The following BCL11A variants were observed in gnomAD, a reference collection of about 807,000 sequenced individuals.
BCL11A encodes the protein B cell CLL/lymphoma 11A.
In BCL11A, 2 loss-of-function variants were observed where a neutral mutation model predicts 55.9. The ratio of observed to expected loss-of-function variants is 0.04; its 90% confidence interval spans 0.01 to 0.11. The LOEUF is 0.11. Among genes scored for constraint, BCL11A ranks in the 10% least tolerant of loss-of-function variants. The pLI, the probability that BCL11A is intolerant of heterozygous loss-of-function variation, is 1.00. For missense variants in BCL11A, 817 were observed against 1,137.1 expected, an observed-to-expected ratio of 0.72 and a Z score of 4.05; for synonymous variants, 465 against 473.4, an observed-to-expected ratio of 0.98 and a Z score of 0.23.
chr2:60,489,660 A>T (rs1678504381), intron 2 of BCL11A, among the ~76,000 whole-genome samples: 1 of 151,976 alleles, frequency 6.6e-6, no homozygotes, highest in African/African-American at 2.4e-5. Context: ...CCTCTAGGAC[A>T]CTCTGGGTCA....
intron 2 of BCL11A, among the ~76,000 whole-genome samples, chr2:60,477,566 A>G (rs542124491): frequency 1.3e-4 from 19 of 151,716 alleles, no homozygotes; most frequent in Admixed American, 9.8e-4. Context: ...AAACCTGCAC[A>G]TTCTGCACAT....
In BCL11A at chr2:60,480,968, T is replaced by A. The variant is rs554810172; in HGVS notation, c.386-12135A>T. The stretch of plus-strand genomic sequence containing the variant: ...TAGTTTTTGCTCCACTAAAAGGGCT[T>A]AAAAATAAGGCTAGGAAGCTAGACC... On this transcript the variant is annotated intron_variant, in intron 2 of 3. Coordinates refer to ENST00000642384, the MANE Select transcript of BCL11A (RefSeq NM_022893.4). 3.0e-3 allele frequency among the ~76,000 whole-genome samples: 451 copies of A among 152,248 alleles called. 2 individuals carry two copies. Among genetic ancestry groups the A allele is most frequent in the Non-Finnish European group, 3.7e-3 (254 of 68,012 alleles).
intron 2 of BCL11A, among the ~76,000 whole-genome samples, chr2:60,538,737 CTCTGTG>C (rs61021914): frequency 0.43 from 49,935 of 115,544 alleles, 9,985 homozygotes; most frequent in Non-Finnish European, 0.53. Context: ...CTCTCTCTCT[CTCTGTG>C]TGTGTGTGTG....
chr2:60,487,023 G>A (rs1678317244), intron 2 of BCL11A, among the ~76,000 whole-genome samples: 1 of 152,238 alleles, frequency 6.6e-6, no homozygotes, highest in Admixed American at 6.5e-5. Flanking sequence ...CCTCCTTTAA[G>A]TCTAACGTTG....
downstream of BCL11A, chr2:60,452,560 G>C: frequency 6.2e-7 from 1 of 1,610,442 alleles, no homozygotes; most frequent in South Asian, 1.1e-5. Flanking sequence ...CCACCCCTGG[G>C]GGCTTCAAAT....
rs151125856 is a variant in BCL11A, at chr2:60,513,913, T to C, written c.385+32058A>G. 3.9e-4 allele frequency among the ~76,000 whole-genome samples: 59 copies of C among 152,328 alleles called. No individual in the cohort carries two copies. The East Asian group carries it at 0.011, about 29-fold the overall frequency. On this transcript the variant is annotated intron_variant, in intron 2 of 3. Transcript: ENST00000642384. Reference sequence around the variant, plus strand: ...ATGAAGAGAAGCTGTTCCTGGCTTGTGGTGAGCAAAACTCCCTGGATTGAG... The same window carrying C: ...ATGAAGAGAAGCTGTTCCTGGCTTGCGGTGAGCAAAACTCCCTGGATTGAG...
rs1676295876 is a variant in BCL11A, at chr2:60,461,602, T to C, written c.1310A>G (p.Lys437Arg). The C allele has an allele frequency of 6.2e-7, 1 of 1,613,326 alleles. No individual in the cohort carries two copies. Among genetic ancestry groups the C allele is most frequent in the South Asian group, 1.1e-5 (1 of 91,092 alleles). Residue 437 changes from lysine to arginine, a missense_variant, in exon 4 of 4, where the codon AAG (lysine) becomes AGG (arginine). Around this residue, in one of 4 missense-constraint regions of BCL11A, gnomAD observed 45 missense variants for 109.0 expected, o/e 0.41. Coordinates refer to ENST00000642384, the MANE Select transcript of BCL11A (RefSeq NM_022893.4). ...GGCGGTGGAGAGACCGTCGTCGGACTTGACCGTCATGGGGGACGATTTGTG... is the reference window on the plus strand; with the variant it reads ...GGCGGTGGAGAGACCGTCGTCGGACCTGACCGTCATGGGGGACGATTTGTG... Reference protein sequence around the residue: ...HMHKSSPMTVKSDDGLSTASS... With the variant: ...HMHKSSPMTVRSDDGLSTASS...
intron 2 of BCL11A, among the ~76,000 whole-genome samples, chr2:60,540,213 T>A (rs999991342): frequency 3.3e-5 from 5 of 152,128 alleles, no homozygotes; most frequent in African/African-American, 1.2e-4. Context: ...AGAAAGGTAC[T>A]AAAGATGCTT....
intron 3 of BCL11A, among the ~76,000 whole-genome samples, chr2:60,463,223 A>T (rs1431887580): frequency 6.6e-6 from 1 of 152,266 alleles, no homozygotes; most frequent in African/African-American, 2.4e-5. Flanking sequence ...GGCTGTATCC[A>T]ATCTTTAGGA....
intron 2 of BCL11A, among the ~76,000 whole-genome samples, chr2:60,472,113 C>G (rs1017233948): frequency 2.6e-5 from 4 of 152,128 alleles, no homozygotes; most frequent in Non-Finnish European, 5.9e-5. Flanking sequence ...CCTAAGGATC[C>G]CTCCATTAGG....
At chr2:60,471,025 C>A (rs1413750848) in intron 2 of BCL11A, among the ~76,000 whole-genome samples, 1 of 152,162 alleles carries the variant, frequency 6.6e-6, no homozygotes, top group African/African-American at 2.4e-5. Flanking sequence ...CTGCTCCTGC[C>A]GTGGTCTTCA....
chr2:60,543,865 C>A (rs1353099539), intron 2 of BCL11A: 1 of 152,154 alleles, frequency 6.6e-6, no homozygotes, highest in Non-Finnish European at 1.5e-5. Flanking sequence ...ATTATTAGCG[C>A]TATAAAATAT....
rs1380946246 is a variant in BCL11A, at chr2:60,458,111, A to G, written c.*2293T>C. On this transcript the variant is annotated 3_prime_UTR_variant, in exon 4 of 4. Coordinates refer to ENST00000642384, the MANE Select transcript of BCL11A (RefSeq NM_022893.4). ...GCAACAGTTAAAAATACAAGCTTCA[A>G]TATAAATACTATAGTGCCTAACACT... 8 of 1,032,218 alleles carry G rather than the reference A, an allele frequency of 7.8e-6. No individual in the cohort carries two copies. In the African/African-American group the frequency reaches 1.4e-4, roughly 17 times the overall value. The allele number at this position is 1,032,218 out of a possible 1,614,324, so 63.9% of individuals were successfully genotyped here.
chr2:60,532,257 T>C (rs1669489571), intron 2 of BCL11A, among the ~76,000 whole-genome samples: 1 of 152,158 alleles, frequency 6.6e-6, no homozygotes, highest in East Asian at 1.9e-4. Flanking sequence ...AGACAGTCTA[T>C]CTCACTGGTG....
chr2:60,482,412 T>C (rs1169813566), intron 2 of BCL11A, among the ~76,000 whole-genome samples: 3 of 152,128 alleles, frequency 2.0e-5, no homozygotes, highest in East Asian at 3.9e-4. Flanking sequence ...ACAGTTGTAA[T>C]TTCCACTGCC....
intron 2 of BCL11A, among the ~76,000 whole-genome samples, chr2:60,481,683 T>C (rs187733361): frequency 6.6e-6 from 1 of 152,308 alleles, no homozygotes; most frequent in East Asian, 1.9e-4. Context: ...ACATCTTTCT[T>C]TTCCCCACAT....
chr2:60,503,040 G>A (rs756507114), intron 2 of BCL11A, among the ~76,000 whole-genome samples: 2 of 152,174 alleles, frequency 1.3e-5, no homozygotes, highest in East Asian at 1.9e-4. Flanking sequence ...CAAAACCAAC[G>A]TGTCTGTCAT....
chr2:60,502,712 C>T (rs192294441), intron 2 of BCL11A, among the ~76,000 whole-genome samples: 1 of 152,328 alleles, frequency 6.6e-6, no homozygotes, highest in East Asian at 1.9e-4. Context: ...TGTTTTCAAT[C>T]ATCATCAGAG....
intron 1 of BCL11A, among the ~76,000 whole-genome samples, chr2:60,548,463 G>A (rs559069897): frequency 2.0e-5 from 3 of 152,048 alleles, no homozygotes; most frequent in African/African-American, 7.2e-5. Flanking sequence ...CTTGGTTAAA[G>A]TCTTCTAAAT....
Sources: allele counts gnomAD v4.1 joint callset (sites outside exome capture counted in the v4.1 genomes callset), GRCh38; gene constraint gnomAD v4.1.1; regional missense constraint gnomAD v4.1.1; transcripts MANE v1.5; gene names NCBI Gene and HGNC (gene_info 2026-07-23, HGNC 2026-07-21).